GSAP: variants seen among roughly 807,000 people sequenced by gnomAD.
GSAP encodes gamma-secretase-activating protein.
A neutral mutation model predicts 131.7 loss-of-function variants in GSAP; 118 were observed. The observed-to-expected ratio is 0.90, with a 90% confidence interval of 0.77 to 1.04. The LOEUF is 1.04. Ranked by LOEUF, GSAP falls within the 50% of genes least tolerant of loss-of-function variation. GSAP has a pLI of 0.00. For synonymous variants in GSAP, 381 were observed against 363.4 expected (o/e 1.05, Z -0.55); for missense variants, 1,019 against 1,013.2 (o/e 1.01, Z -0.08).
chr7:77,368,893 G>A (rs1181111960), intron 12 of GSAP, among the ~76,000 whole-genome samples: 5 of 152,148 alleles, frequency 3.3e-5, no homozygotes, highest in African/African-American at 9.7e-5. Flanking sequence ...CTATTTACAA[G>A]CTGGGGAAGC....
intron 19 of GSAP, chr7:77,330,940 T>A: frequency 1.3e-6 from 1 of 790,624 alleles, no homozygotes; most frequent in Non-Finnish European, 1.5e-6. Flanking sequence ...ATCTTTGAAT[T>A]ATTGATATAA....
chr7:77,348,055 A>G (rs1246196156), intron 19 of GSAP, among the ~76,000 whole-genome samples: 1 of 151,878 alleles, frequency 6.6e-6, no homozygotes, highest in African/African-American at 2.4e-5. Flanking sequence ...TGTAGTACCA[A>G]CCACTCAGGA....
At chr7:77,387,553 C>A (rs1258586717) in intron 5 of GSAP, 105 bp from the exon 6 acceptor site, 6 of 669,366 alleles carry the variant, frequency 9.0e-6, no homozygotes, top group East Asian at 2.7e-5. Context: ...ACTACAGTGA[C>A]TATAAACTAA....
chr7:77,357,411 C>A (rs909525160), intron 14 of GSAP, among the ~76,000 whole-genome samples: 2 of 152,220 alleles, frequency 1.3e-5, no homozygotes, highest in African/African-American at 4.8e-5. Context: ...CAGGTAGACA[C>A]AGGTAGGCAC....
rs765100269 is a variant in GSAP at position 77,314,362 on chromosome 7, C to G, written c.2209+8G>C. The G allele has an allele frequency of 1.2e-6, 2 of 1,613,390 alleles. No homozygotes were observed. Among genetic ancestry groups the G allele is most frequent in the South Asian group, 1.1e-5 (1 of 91,052 alleles). ...AACTAGCACTCTGGCAAACTCAGGG[C>G]TTCTTACCTTTCATGAGCCTTATGA... On this transcript the variant is annotated splice_region_variant and intron_variant, in intron 27 of 30. Coordinates refer to ENST00000257626, the MANE Select transcript of GSAP (RefSeq NM_017439.4).
At chr7:77,322,469 T>A (rs1017108639) in intron 24 of GSAP, among the ~76,000 whole-genome samples, 2 of 151,990 alleles carry the variant, frequency 1.3e-5, no homozygotes, top group Admixed American at 1.3e-4. Flanking sequence ...TTATTAACAA[T>A]GGAGAAAAAT....
chr7:77,371,439 T>C (rs867395668), intron 12 of GSAP, among the ~76,000 whole-genome samples: 6,406 of 150,042 alleles, frequency 0.043, 262 homozygotes, highest in African/African-American at 0.11. Flanking sequence ...TTCTTTTTTT[T>C]TTTTTTTTTT....
chr7:77,346,826 T>G (rs1404218892), intron 19 of GSAP, among the ~76,000 whole-genome samples: 2 of 152,214 alleles, frequency 1.3e-5, no homozygotes, highest in African/African-American at 4.8e-5. Context: ...CCTGATGTTA[T>G]AATATCGGGT....
At chr7:77,365,480 G>A (rs1584510138) in intron 12 of GSAP, among the ~76,000 whole-genome samples, 1 of 152,086 alleles carries the variant, frequency 6.6e-6, no homozygotes, top group African/African-American at 2.4e-5. Context: ...AGAACACTAG[G>A]TATTTCGTTT....
chr7:77,323,497 A>G (rs1787928868), intron 24 of GSAP, 150 bp downstream of exon 24: 1 of 506,252 alleles, frequency 2.0e-6, no homozygotes. Flanking sequence ...CCTTTTCTCA[A>G]TCTACAGCAC....
At chr7:77,359,756 T>TA (rs1234449141) in intron 14 of GSAP, among the ~76,000 whole-genome samples, 10 of 152,000 alleles carry the variant, frequency 6.6e-5, no homozygotes, top group Non-Finnish European at 1.5e-4. Context: ...TTCCCAGGGG[T>TA]AAAAAAAGGA....
chr7:77,350,399 T>C (rs1315938218), intron 18 of GSAP, among the ~76,000 whole-genome samples: 2 of 148,998 alleles, frequency 1.3e-5, no homozygotes, highest in African/African-American at 2.5e-5. Flanking sequence ...ATTGTGCACA[T>C]GTACCCTAAA....
At chr7:77,324,209 T>C (rs900914478) in intron 23 of GSAP, among the ~76,000 whole-genome samples, 2 of 152,106 alleles carry the variant, frequency 1.3e-5, no homozygotes, top group Non-Finnish European at 2.9e-5. Context: ...ATCAGGTACT[T>C]CCCTCTACAC....
chr7:77,368,737 A>G (rs1343846149), intron 12 of GSAP, among the ~76,000 whole-genome samples: 8 of 152,242 alleles, frequency 5.3e-5, no homozygotes, highest in Admixed American at 2.6e-4. Flanking sequence ...AATAAAGAAA[A>G]TATAGAACTT....
intron 1 of GSAP, 70 bp downstream of exon 1, chr7:77,416,143 T>C: frequency 1.1e-6 from 1 of 900,266 alleles, no homozygotes; most frequent in East Asian, 3.3e-5. Context: ...CCCCACCGGG[T>C]CGGAGTCCGG....
chr7:77,415,005 G>C (rs772319132), intron 1 of GSAP, among the ~76,000 whole-genome samples: 2 of 151,818 alleles, frequency 1.3e-5, no homozygotes, highest in Non-Finnish European at 2.9e-5. Context: ...TTACAGGAGC[G>C]TGTCACCACG....
intron 18 of GSAP, 103 bp from the exon 19 acceptor site, chr7:77,349,507 G>A: frequency 1.1e-6 from 1 of 875,256 alleles, no homozygotes; most frequent in Non-Finnish European, 1.9e-6. Context: ...GCTGAGGGCA[G>A]CTTCCAGCTT....
chr7:77,328,490 C>T, intron 22 of GSAP, 116 bp downstream of exon 22: 1 of 1,477,352 alleles, frequency 6.8e-7, no homozygotes, highest in Admixed American at 2.5e-5. Flanking sequence ...AAAGGTGCTG[C>T]CTGCACCACA....
At chr7:77,344,127 T>C (rs1188704089) in intron 19 of GSAP, among the ~76,000 whole-genome samples, 1 of 152,180 alleles carries the variant, frequency 6.6e-6, no homozygotes, top group East Asian at 1.9e-4. Context: ...ACCGTGGTCA[T>C]TTCTTCCCTT....
Sources: allele counts gnomAD v4.1 joint callset (sites outside exome capture counted in the v4.1 genomes callset), GRCh38; gene constraint gnomAD v4.1.1; transcripts MANE v1.5; gene names NCBI Gene and HGNC (gene_info 2026-07-23, HGNC 2026-07-21).